The following TBCD variants were observed in gnomAD, a reference collection of about 807,000 sequenced individuals.
TBCD encodes the protein tubulin folding cofactor D.
Under a neutral mutation model 169.3 loss-of-function variants are expected in TBCD, and 105 were observed. The observed-to-expected ratio is 0.62, with a 90% CI of 0.53 to 0.73. TBCD has a LOEUF of 0.73. TBCD is among the 30% of genes least tolerant of loss of function. TBCD has a pLI of 0.00. For synonymous variants in TBCD, 700 were observed against 643.9 expected, an observed-to-expected ratio of 1.09 and a Z score of -1.32; for missense variants, 1,444 against 1,600.1, an observed-to-expected ratio of 0.90 and a Z score of 1.66.
rs1277176335 is a variant in TBCD, at chr17:82,833,981, G to T, written c.1318+19047G>T. On this transcript the variant is annotated intron_variant, in intron 13 of 38. Transcript: ENST00000355528. The surrounding 1 kb of genome is among the most constrained non-coding windows in gnomAD (Gnocchi z 4.7). ...TTTTTTGAGACAGAGTTTCTCCCTT[G>T]TTGCCCAGTCTGGAGTGCCATGGCG... is the stretch of plus-strand genomic sequence containing the variant. Among the ~76,000 whole-genome samples the T allele has an allele frequency of 2.7e-5, 4 of 150,842 alleles. No individual in the cohort carries two copies. The highest frequency in any genetic ancestry group is 5.9e-5 in the Non-Finnish European group (4 of 67,796).
chr17:82,779,308 T>TG (rs1316052179), intron 6 of TBCD, among the ~76,000 whole-genome samples: 1 of 152,068 alleles, frequency 6.6e-6, no homozygotes, highest in Non-Finnish European at 1.5e-5. Context: ...CTGGCCAAGA[T>TG]GGGGGTCTTA....
Position 82,807,600 on chromosome 17 carries a change from T to C in TBCD, c.1088-8T>C. On this transcript the variant is annotated splice_region_variant and splice_polypyrimidine_tract_variant and intron_variant, in intron 10 of 38. Transcript: ENST00000355528. ...ACTCTGTCACGCATCACCTTCCTCT[T>C]CCTACAGAGCAGCTGCTGGTCGGGC... is the stretch of plus-strand genomic sequence containing the variant. 2.0e-6 allele frequency: 3 copies of C among 1,516,398 alleles called. No homozygotes were observed. The highest frequency in any genetic ancestry group is 2.7e-6 in the Non-Finnish European group (3 of 1,129,578). The allele number at this position is 1,516,398 out of a possible 1,614,324, so 93.9% of individuals were successfully genotyped here. A position where few individuals can be genotyped will look rare whatever the true frequency, so the allele number is the denominator to read the frequency against.
At chr17:82,916,662 TTACTG>T (rs1467114762) in intron 23 of TBCD, among the ~76,000 whole-genome samples, 1 of 152,232 alleles carries the variant, frequency 6.6e-6, no homozygotes, top group African/African-American at 2.4e-5. Flanking sequence ...AGTCTACTTA[TTACTG>T]TATTGGAGAC....
intron 13 of TBCD, among the ~76,000 whole-genome samples, chr17:82,817,793 T>C (rs541525752): frequency 6.6e-6 from 1 of 152,352 alleles, no homozygotes; most frequent in Admixed American, 6.5e-5. Flanking sequence ...TTTAATTAAG[T>C]CCAGCTCATC....
chr17:82,853,450 T>TCACTCAC (rs1372636969), intron 13 of TBCD, among the ~76,000 whole-genome samples: 1 of 151,938 alleles, frequency 6.6e-6, no homozygotes, highest in Non-Finnish European at 1.5e-5. Flanking sequence ...TTGCCCAGGC[T>TCACTCAC]GGAGTGCAGT....
In TBCD at chr17:82,765,660, G is replaced by A. The variant is rs150922181; in HGVS notation, c.334-607G>A. On this transcript the variant is annotated intron_variant, in intron 3 of 38. Coordinates refer to ENST00000355528, the MANE Select transcript of TBCD (RefSeq NM_005993.5). Reference sequence around the variant, plus strand: ...TGAGGTTAGGATTTCTCCGGAAGGCGTGGTATCACTGAGCTTCAGGGAAGT... The same window carrying A: ...TGAGGTTAGGATTTCTCCGGAAGGCATGGTATCACTGAGCTTCAGGGAAGT... Among the ~76,000 whole-genome samples the A allele has an allele frequency of 1.1e-4, 16 of 152,326 alleles. 1 individual carries two copies. In the East Asian group the frequency reaches 2.7e-3, roughly 26 times the overall value.
chr17:82,945,727 C>T lies in TBCD; in HGVS notation c.*3264C>T, dbSNP rs773864175. ...CAACATCCCAGATGGAAGCAGCATC[C>T]CCCTACCCAGCTGTGACAAAAAGAA... On this transcript the variant is annotated 3_prime_UTR_variant, in exon 39 of 39. Transcript: ENST00000355528. 1 of 152,082 alleles carries T rather than the reference C, an allele frequency of 6.6e-6. No individual in the cohort carries two copies. The highest frequency in any genetic ancestry group is 1.5e-5 in the Non-Finnish European group (1 of 68,040). 9.4% of individuals were successfully genotyped at this position (152,082 alleles called of 1,614,324 possible). A position where few individuals can be genotyped will look rare whatever the true frequency, so the allele number is the denominator to read the frequency against.
chr17:82,881,358 C>T (rs1023659887), intron 14 of TBCD, among the ~76,000 whole-genome samples: 1 of 152,230 alleles, frequency 6.6e-6, no homozygotes, highest in Admixed American at 6.5e-5. Context: ...GTAGCTCATT[C>T]GGTCAGGCCG....
At chr17:82,758,004 T>C (rs1049691902) in intron 2 of TBCD, among the ~76,000 whole-genome samples, 5 of 152,194 alleles carry the variant, frequency 3.3e-5, no homozygotes, top group South Asian at 2.1e-4. Context: ...TTGCCAGACC[T>C]CTTTCCAGAG....
chr17:82,752,445 C>T (rs2047148157), intron 1 of TBCD, 68 bp downstream of exon 1: 1 of 1,142,728 alleles, frequency 8.8e-7, no homozygotes, highest in Non-Finnish European at 1.1e-6. Flanking sequence ...GTGCACTTTA[C>T]CGGGCGGGGA....
At chr17:82,809,670 G>A (rs774312511) in intron 11 of TBCD, 38 bp from the exon 12 acceptor site, 1 of 1,603,380 alleles carries the variant, frequency 6.2e-7, no homozygotes, top group South Asian at 1.1e-5. Context: ...GCGACAGGCT[G>A]GTGGTGCCCC....
intron 2 of TBCD, among the ~76,000 whole-genome samples, chr17:82,757,826 G>C (rs689512): frequency 0.37 from 56,358 of 151,804 alleles, 10,572 homozygotes; most frequent in Admixed American, 0.41. Context: ...GTGGCAGGCA[G>C]TGGGCTCCCC....
intron 22 of TBCD, 127 bp from the exon 23 acceptor site, chr17:82,911,631 A>G: frequency 1.1e-6 from 1 of 914,186 alleles, no homozygotes; most frequent in Non-Finnish European, 1.7e-6. Flanking sequence ...GCTCATGCTC[A>G]GTAACACATT....
intron 23 of TBCD, among the ~76,000 whole-genome samples, chr17:82,917,820 C>G (rs1204627935): frequency 6.6e-6 from 1 of 152,220 alleles, no homozygotes; most frequent in African/African-American, 2.4e-5. Flanking sequence ...CCTGGATGCA[C>G]TGTTGGGGGT....
At chr17:82,891,513 G>A (rs1034068612) in intron 16 of TBCD, among the ~76,000 whole-genome samples, 8 of 152,304 alleles carry the variant, frequency 5.3e-5, no homozygotes, top group African/African-American at 1.4e-4. Flanking sequence ...TCCCAGCCCC[G>A]CACGGCCATG....
chr17:82,872,843 T>G (rs2057683353), intron 14 of TBCD, among the ~76,000 whole-genome samples: 1 of 151,772 alleles, frequency 6.6e-6, no homozygotes. Context: ...GCCAGGCCCA[T>G]CACCTGGTGG....
chr17:82,859,327 C>T (rs765808987), intron 13 of TBCD, among the ~76,000 whole-genome samples: 3 of 148,964 alleles, frequency 2.0e-5, no homozygotes, highest in Admixed American at 6.7e-5. Context: ...TCTGGCCTGC[C>T]GGCTCTGTGT....
At position 82,800,789 on chromosome 17, in the gene TBCD, G is replaced by A. The variant is rs115694660; in HGVS notation, c.818-75G>A. ...AAGGCCCCTGTGGAGCCGGCTGTTGGTTTCGGGGACACAGGTGGTGCAGTC... is the reference window on the plus strand; with the variant it reads ...AAGGCCCCTGTGGAGCCGGCTGTTGATTTCGGGGACACAGGTGGTGCAGTC... On this transcript the variant is annotated intron_variant, in intron 8 of 38. Coordinates refer to ENST00000355528, the MANE Select transcript of TBCD (RefSeq NM_005993.5). The A allele has an allele frequency of 2.3e-3, 3,579 of 1,531,822 alleles. 82 individuals carry two copies. In the African/African-American group the frequency reaches 0.044, roughly 19 times the overall value. The allele number at this position is 1,531,822 out of a possible 1,614,324, so 94.9% of individuals were successfully genotyped here. A position where few individuals can be genotyped will look rare whatever the true frequency, so the allele number is the denominator to read the frequency against.
At chr17:82,938,027 A>T in intron 35 of TBCD, 22 bp from the exon 36 acceptor site, 1 of 1,612,384 alleles carries the variant, frequency 6.2e-7, no homozygotes, top group Non-Finnish European at 8.5e-7. Flanking sequence ...GCTCACCTGG[A>T]GCCATGTGCT....
Sources: gnomAD v4.1 joint callset for allele counts (sites outside exome capture counted in the v4.1 genomes callset) on GRCh38, gnomAD v4.1.1 for gene constraint, Gnocchi (gnomAD v3.1) non-coding constraint, MANE v1.5 for transcripts, NCBI Gene and HGNC (gene_info 2026-07-23, HGNC 2026-07-21) for gene names.